Variants in ROR2 observed in about 807,000 individuals in gnomAD.
ROR2 encodes the protein ROR family WNT receptor 2.
Under a neutral mutation model 74.9 loss-of-function variants are expected in ROR2, and 33 were observed. The ratio of observed to expected loss-of-function variants is 0.44; its 90% CI spans 0.33 to 0.59. The LOEUF (loss-of-function observed/expected upper bound fraction) is 0.59. Ranked by LOEUF, ROR2 falls within the 20% of genes least tolerant of loss-of-function variation. ROR2 has a pLI of 0.02. For synonymous variants in ROR2, 586 were observed against 558.7 expected (o/e 1.05, Z -0.69); for missense variants, 1,216 against 1,313.8 (o/e 0.93, Z 1.15).
At chr9:91,730,458 G>A (rs564211857) in intron 7 of ROR2, among the ~76,000 whole-genome samples, 37 of 152,094 alleles carry the variant, frequency 2.4e-4, no homozygotes, top group East Asian at 9.7e-4. Context: ...AATAACTTGC[G>A]TTATTTATTT....
At position 91,823,238 on chromosome 9, in the gene ROR2, T is replaced by C. The variant is rs555138579; in HGVS notation, c.98-47420A>G. 2.0e-5 allele frequency among the ~76,000 whole-genome samples: 3 copies of C among 152,298 alleles called. No individual in the cohort carries two copies. The South Asian group carries it at 6.2e-4, about 32-fold the overall frequency. ...CCATGTAAGAATGGTGCTGCCATTA[T>C]GGAGAATGACAGTTTTTCTTAGAGG... On this transcript the variant is annotated intron_variant, in intron 1 of 8. Coordinates refer to ENST00000375708, the MANE Select transcript of ROR2 (RefSeq NM_004560.4).
At chr9:91,839,277 T>TAA (rs113477127) in intron 1 of ROR2, among the ~76,000 whole-genome samples, 5 of 145,166 alleles carry the variant, frequency 3.4e-5, no homozygotes, top group African/African-American at 1.1e-4. Context: ...TGTGTGTGTG[T>TAA]GTGTGTGTGT....
At chr9:91,904,794 T>A (rs907705648) in intron 1 of ROR2, among the ~76,000 whole-genome samples, 3 of 152,144 alleles carry the variant, frequency 2.0e-5, no homozygotes, top group Admixed American at 1.3e-4. Context: ...GGTTCCAAGT[T>A]AATGAGGCAA....
intron 1 of ROR2, among the ~76,000 whole-genome samples, chr9:91,947,988 T>C (rs1318412741): frequency 6.6e-6 from 1 of 152,174 alleles, no homozygotes; most frequent in African/African-American, 2.4e-5. Context: ...ATAAAGATTA[T>C]GAGTATTTCA....
At chr9:91,845,656 C>T (rs1268811991) in intron 1 of ROR2, among the ~76,000 whole-genome samples, 5 of 151,932 alleles carry the variant, frequency 3.3e-5, no homozygotes, top group African/African-American at 1.2e-4. Flanking sequence ...CTGAGGCGGG[C>T]GGATCACCTG....
At chr9:91,743,565 C>A (rs1201428006) in intron 4 of ROR2, among the ~76,000 whole-genome samples, 1 of 151,146 alleles carries the variant, frequency 6.6e-6, no homozygotes, top group Non-Finnish European at 1.5e-5. Context: ...AGTAGGACTC[C>A]ATCTCAAAAA....
chr9:91,949,721 G>C, intron 1 of ROR2, 146 bp downstream of exon 1: 1 of 667,246 alleles, frequency 1.5e-6, no homozygotes, highest in East Asian at 3.0e-5. Flanking sequence ...AGCGGCGTCG[G>C]GCGAGATGCG....
At chr9:91,851,125 G>GA (rs1354853634) in intron 1 of ROR2, among the ~76,000 whole-genome samples, 1 of 152,158 alleles carries the variant, frequency 6.6e-6, no homozygotes, top group East Asian at 1.9e-4. Flanking sequence ...GGCCGAGGCA[G>GA]ATGGATCAAG....
chr9:91,804,813 G>A (rs1827498120), intron 1 of ROR2, among the ~76,000 whole-genome samples: 2 of 152,196 alleles, frequency 1.3e-5, no homozygotes, highest in Admixed American at 1.3e-4. Context: ...TCTGTCAGTT[G>A]ACTGAGTTAT....
intron 2 of ROR2, among the ~76,000 whole-genome samples, chr9:91,770,793 G>C (rs930246230): frequency 8.5e-5 from 13 of 152,140 alleles, no homozygotes; most frequent in Non-Finnish European, 1.6e-4. Context: ...TACCCTTTTA[G>C]CCTTGGAGAC....
At chr9:91,829,125 T>G (rs914510288) in intron 1 of ROR2, among the ~76,000 whole-genome samples, 1 of 152,250 alleles carries the variant, frequency 6.6e-6, no homozygotes, top group Non-Finnish European at 1.5e-5. Flanking sequence ...ATCATGGCAC[T>G]GTCCCACCTC....
At chr9:91,802,715 C>A (rs975565806) in intron 1 of ROR2, among the ~76,000 whole-genome samples, 1 of 152,104 alleles carries the variant, frequency 6.6e-6, no homozygotes, top group Non-Finnish European at 1.5e-5. Context: ...ATCCAGCCTG[C>A]AGTGGCACGA....
intron 1 of ROR2, among the ~76,000 whole-genome samples, chr9:91,915,756 G>C (rs990731340): frequency 1.2e-4 from 18 of 152,140 alleles, no homozygotes; most frequent in Non-Finnish European, 1.6e-4. Flanking sequence ...GTGCTGATTG[G>C]TATGTTTTTA....
At chr9:91,769,052 G>T (rs1826146229) in intron 2 of ROR2, among the ~76,000 whole-genome samples, 1 of 152,156 alleles carries the variant, frequency 6.6e-6, no homozygotes, top group African/African-American at 2.4e-5. Context: ...GGGATTGCGT[G>T]GCTGTGGGCC....
At chr9:91,801,580 T>C (rs906344003) in intron 1 of ROR2, among the ~76,000 whole-genome samples, 1 of 152,198 alleles carries the variant, frequency 6.6e-6, no homozygotes, top group Non-Finnish European at 1.5e-5. Flanking sequence ...ATCACCCCCC[T>C]TGGCCTCCCA....
At chr9:91,867,792 C>CAG (rs1829684503) in intron 1 of ROR2, among the ~76,000 whole-genome samples, 1 of 151,622 alleles carries the variant, frequency 6.6e-6, no homozygotes, top group African/African-American at 2.4e-5. Context: ...ACATGTGGGA[C>CAG]AGATCCAAGA....
At chr9:91,781,314 C>A (rs950097667) in intron 1 of ROR2, among the ~76,000 whole-genome samples, 1 of 152,214 alleles carries the variant, frequency 6.6e-6, no homozygotes, top group African/African-American at 2.4e-5. Flanking sequence ...AGCTACGCTG[C>A]GAGCAAGCTC....
In ROR2 at chr9:91,731,056, T is replaced by C; in HGVS notation, c.1037A>G (p.His346Arg). 6.2e-7 allele frequency: 1 copy of C among 1,614,028 alleles called. No homozygotes were observed. Residue 346 changes from histidine to arginine, a missense_variant, in exon 7 of 9, where the codon CAC (histidine) becomes CGC (arginine). Transcript: ENST00000375708. Reference protein sequence around the residue: ...QCQPWALQHPHSHHLSSTDFP... With the variant: ...QCQPWALQHPRSHHLSSTDFP... Reference sequence around the variant, plus strand: ...GTCTGTGCTGGACAGGTGGTGGCTGTGGGGGTGCTGCAGGGCCCACGGCTG... The same window carrying C: ...GTCTGTGCTGGACAGGTGGTGGCTGCGGGGGTGCTGCAGGGCCCACGGCTG...
At chr9:91,817,649 C>A (rs986880044) in intron 1 of ROR2, among the ~76,000 whole-genome samples, 1 of 152,182 alleles carries the variant, frequency 6.6e-6, no homozygotes. Context: ...GCACCCCCTT[C>A]GCCTGCCAGG....
Sources: allele counts gnomAD v4.1 joint callset (sites outside exome capture counted in the v4.1 genomes callset), GRCh38; gene constraint gnomAD v4.1.1; transcripts MANE v1.5; gene names NCBI Gene and HGNC (gene_info 2026-07-23, HGNC 2026-07-21).